Variants in RPH3AL observed in about 807,000 individuals in gnomAD.
The protein encoded by RPH3AL is rabphilin 3A like (without C2 domains), also known as rab effector Noc2.
In RPH3AL, 38 loss-of-function variants were observed where a neutral mutation model predicts 43.1. That is an observed-to-expected ratio of 0.88 (90% CI 0.68 to 1.15). The LOEUF is 1.15. Ranked by LOEUF, RPH3AL falls within the 50% of genes most tolerant of loss-of-function variation. The pLI, the probability that RPH3AL is intolerant of heterozygous loss-of-function variation, is 0.00. For synonymous variants in RPH3AL, 189 were observed against 176.3 expected (o/e 1.07, Z -0.57); for missense variants, 462 against 423.2 (o/e 1.09, Z -0.81).
In RPH3AL at chr17:213,719, G is replaced by T; in HGVS notation, c.*133C>A. On this transcript the variant is annotated 3_prime_UTR_variant, in exon 10 of 10. Transcript: ENST00000331302. Reference sequence around the variant, plus strand: ...AAGGCACTGAGCTGGGGAGGCAGACGGCTCCCAACACTGGTTTGTTGAGTC... The same window carrying T: ...AAGGCACTGAGCTGGGGAGGCAGACTGCTCCCAACACTGGTTTGTTGAGTC... 1 of 737,112 alleles carries T rather than the reference G, an allele frequency of 1.4e-6. No homozygotes were observed. Among genetic ancestry groups the T allele is most frequent in the Non-Finnish European group, 2.4e-6 (1 of 420,318 alleles). The allele number at this position is 737,112 out of a possible 1,614,324, so 45.7% of individuals were successfully genotyped here.
chr17:318,388 T>G (rs11653443), intron 5 of RPH3AL, among the ~76,000 whole-genome samples: 36,646 of 151,454 alleles, frequency 0.24, 6,401 homozygotes, highest in African/African-American at 0.49. Context: ...TCTCTGGGGG[T>G]GGAAAAAAGC....
At chr17:315,131 G>A (rs971876005) in intron 5 of RPH3AL, among the ~76,000 whole-genome samples, 2 of 146,642 alleles carry the variant, frequency 1.4e-5, no homozygotes, top group East Asian at 2.1e-4. Context: ...TGTAGTCTCT[G>A]TGCTCCACCT....
rs2044869674 is a variant in RPH3AL, at chr17:333,936, T to A, written c.-212-2A>T. The A allele has an allele frequency of 2.0e-5, 3 of 152,370 alleles. No individual in the cohort carries two copies. The highest frequency in any genetic ancestry group is 6.5e-5 in the Admixed American group (1 of 15,308). The allele number at this position is 152,370 out of a possible 1,614,324, so 9.4% of individuals were successfully genotyped here. On this transcript the variant is annotated splice_acceptor_variant, in intron 1 of 9. Transcript: ENST00000331302. LOFTEE classifies it low-confidence loss of function (5UTR_SPLICE). The surrounding 1 kb of genome is among the most constrained non-coding windows in gnomAD (Gnocchi z 4.5). Reference sequence around the variant, plus strand: ...GGTTTCAATAAGGCAGACGATCCTCTATTCGCAAAAAAATAAATAAATAAA... The same window carrying A: ...GGTTTCAATAAGGCAGACGATCCTCAATTCGCAAAAAAATAAATAAATAAA...
rs111951936 is a variant in RPH3AL, at chr17:222,245, A to G, written c.614-2509T>C. On this transcript the variant is annotated intron_variant, in intron 7 of 9. Transcript: ENST00000331302. The stretch of plus-strand genomic sequence containing the variant: ...TAGGAAACAGCATTACCCCCATTTC[A>G]CAGGCAAGAAAACGGGGGCACGTGC... Among the ~76,000 whole-genome samples, 838 of 152,362 alleles carry G rather than the reference A, an allele frequency of 5.5e-3. 10 individuals carry two copies. Among genetic ancestry groups the G allele is most frequent in the African/African-American group, 0.019 (780 of 41,574 alleles).
rs746779967 is a variant in RPH3AL, at chr17:281,748, C to A, written c.438+20G>T. The A allele has an allele frequency of 1.9e-6, 3 of 1,606,128 alleles. No individual in the cohort carries two copies. The South Asian group carries it at 3.3e-5, about 18-fold the overall frequency. On this transcript the variant is annotated intron_variant, in intron 6 of 9. Transcript: ENST00000331302. ...ATCCAGCCCACTCAGCCCTCCCCAC[C>A]GTCACCCTGGACGCCCTACCTCTCT...
At chr17:313,072 C>T (rs148962254) in intron 5 of RPH3AL, among the ~76,000 whole-genome samples, 255 of 152,348 alleles carry the variant, frequency 1.7e-3, no homozygotes, top group African/African-American at 5.4e-3. Context: ...AGCGACCTCT[C>T]ATTCCAGCCC....
chr17:296,852 G>A (rs558403740), intron 5 of RPH3AL, among the ~76,000 whole-genome samples: 5 of 152,330 alleles, frequency 3.3e-5, no homozygotes, highest in East Asian at 1.9e-4. Flanking sequence ...ACGTCCTGCC[G>A]GAGAAGGAAA....
chr17:215,551 A>C lies in RPH3AL; in HGVS notation c.876+103T>G. 2 of 1,072,036 alleles carry C rather than the reference A, an allele frequency of 1.9e-6. No individual in the cohort carries two copies. Among genetic ancestry groups the C allele is most frequent in the Non-Finnish European group, 2.4e-6 (2 of 836,986 alleles). The allele number at this position is 1,072,036 out of a possible 1,614,324, so 66.4% of individuals were successfully genotyped here. A position where few individuals can be genotyped will look rare whatever the true frequency, so the allele number is the denominator to read the frequency against. On this transcript the variant is annotated intron_variant, in intron 9 of 9. Transcript: ENST00000331302. This position sits in a 1 kb window ranked among gnomAD's most constrained non-coding sequence, Gnocchi z 4.1. ...ACAGTGCTTGGTAAACAACATGCAG[A>C]ATTGAAAACGTCACCGACCAGTCTC...
chr17:351,633 C>A (rs1237187758), intron 1 of RPH3AL, among the ~76,000 whole-genome samples: 1 of 152,132 alleles, frequency 6.6e-6, no homozygotes, highest in Non-Finnish European at 1.5e-5. Flanking sequence ...AAAGCACAGG[C>A]CTCCACACGC....
At position 245,624 on chromosome 17, in the gene RPH3AL, C is replaced by A. The variant is rs531842747; in HGVS notation, c.613+1487G>T. 2.0e-5 allele frequency among the ~76,000 whole-genome samples: 3 copies of A among 152,256 alleles called. No homozygotes were observed. The highest frequency in any genetic ancestry group is 7.2e-5 in the African/African-American group (3 of 41,548). The stretch of plus-strand genomic sequence containing the variant: ...TTTTAAACCCACAGGTGTCCACCAG[C>A]TTCTGCTCCCACTGTCTGAGGGACA... On this transcript the variant is annotated intron_variant, in intron 7 of 9. Transcript: ENST00000331302. The surrounding 1 kb of genome is among the most constrained non-coding windows in gnomAD (Gnocchi z 5.9).
intron 7 of RPH3AL, among the ~76,000 whole-genome samples, chr17:244,338 G>C (rs1482078747): frequency 6.6e-6 from 1 of 152,082 alleles, no homozygotes; most frequent in Non-Finnish European, 1.5e-5. Context: ...AAAATAGGGT[G>C]GCCTGGGATG....
At position 274,875 on chromosome 17, in the gene RPH3AL, G is replaced by A. The variant is rs1056384804; in HGVS notation, c.438+6893C>T. On this transcript the variant is annotated intron_variant, in intron 6 of 9. Coordinates refer to ENST00000331302, the MANE Select transcript of RPH3AL (RefSeq NM_006987.4). This position sits in a 1 kb window ranked among gnomAD's most constrained non-coding sequence, Gnocchi z 4.7. Reference sequence around the variant, plus strand: ...TTTGGTGTCTAGGAAACATAAAGACGGGCCTTACTAATAAAATAGAAAACC... The same window carrying A: ...TTTGGTGTCTAGGAAACATAAAGACAGGCCTTACTAATAAAATAGAAAACC... Among the ~76,000 whole-genome samples the A allele has an allele frequency of 6.6e-6, 1 of 152,134 alleles. No individual in the cohort carries two copies. The highest frequency in any genetic ancestry group is 1.5e-5 in the Non-Finnish European group (1 of 68,040).
At chr17:342,228 G>C (rs1358889610) in intron 1 of RPH3AL, among the ~76,000 whole-genome samples, 1 of 152,238 alleles carries the variant, frequency 6.6e-6, no homozygotes, top group African/African-American at 2.4e-5. Context: ...TCGTGAGGAT[G>C]TGGAGAAACT....
At chr17:258,861 A>G (rs2042133992) in intron 6 of RPH3AL, among the ~76,000 whole-genome samples, 2 of 151,594 alleles carry the variant, frequency 1.3e-5, no homozygotes, top group Admixed American at 6.6e-5. Flanking sequence ...CCTGGGCTCA[A>G]GTGATCCTCC....
intron 6 of RPH3AL, among the ~76,000 whole-genome samples, 199 bp downstream of exon 6, chr17:281,569 C>T (rs1235708605): frequency 2.0e-5 from 3 of 152,100 alleles, no homozygotes; most frequent in Non-Finnish European, 4.4e-5. Flanking sequence ...GCTGTCCCTC[C>T]GTGCTTTTCT....
Position 323,315 on chromosome 17 carries a change from G to A in RPH3AL, c.78-1900C>T, listed in dbSNP as rs1042131289. ...CCAACGCTTTCCAAGCAGTGCTCAC[G>A]GTGCTGGGGAAGGAAAATACCGGGG... On this transcript the variant is annotated intron_variant, in intron 3 of 9. Transcript: ENST00000331302. This position sits in a 1 kb window ranked among gnomAD's most constrained non-coding sequence, Gnocchi z 4.4. 2.6e-5 allele frequency among the ~76,000 whole-genome samples: 4 copies of A among 152,092 alleles called. No homozygotes were observed. Among genetic ancestry groups the A allele is most frequent in the South Asian group, 4.1e-4 (2 of 4,828 alleles).
In RPH3AL at chr17:215,432, G is replaced by A. The variant is rs572669250; in HGVS notation, c.876+222C>T. ...GATGGTAACCACTGCTGTGATTACC[G>A]AGAGTGGCTAGGGATGGCTACCATT... On this transcript the variant is annotated intron_variant, in intron 9 of 9. Transcript: ENST00000331302. This position sits in a 1 kb window ranked among gnomAD's most constrained non-coding sequence, Gnocchi z 4.1. Among the ~76,000 whole-genome samples, 13 of 152,216 alleles carry A rather than the reference G, an allele frequency of 8.5e-5. No homozygotes were observed. Among genetic ancestry groups the A allele is most frequent in the South Asian group, 2.1e-4 (1 of 4,832 alleles).
chr17:253,548 T>C (rs537121352), intron 6 of RPH3AL, among the ~76,000 whole-genome samples: 1 of 152,120 alleles, frequency 6.6e-6, no homozygotes, highest in Non-Finnish European at 1.5e-5. Flanking sequence ...ATTCATAACA[T>C]CAAACGTATC....
chr17:284,033 T>C (rs1477914945), intron 5 of RPH3AL, among the ~76,000 whole-genome samples: 1 of 152,188 alleles, frequency 6.6e-6, no homozygotes. Flanking sequence ...TGGAAACAAG[T>C]GTGGCCCTCA....
Sources: gnomAD v4.1 joint callset for allele counts (sites outside exome capture counted in the v4.1 genomes callset) on GRCh38, gnomAD v4.1.1 for gene constraint, Gnocchi (gnomAD v3.1) non-coding constraint, MANE v1.5 for transcripts, NCBI Gene and HGNC (gene_info 2026-07-23, HGNC 2026-07-21) for gene names.